The following WAPL variants were observed in gnomAD, a reference collection of about 807,000 sequenced individuals.
WAPL encodes wings apart-like protein homolog.
In WAPL, 5 loss-of-function variants were observed where a neutral mutation model predicts 121.0. The observed-to-expected ratio is 0.04, with a 90% CI of 0.02 to 0.09. WAPL has a LOEUF of 0.09. Ranked by LOEUF, WAPL falls within the 10% of genes least tolerant of loss-of-function variation. The pLI, the probability that WAPL is intolerant of heterozygous loss-of-function variation, is 1.00. For synonymous variants in WAPL, 480 were observed against 481.5 expected (o/e 1.00, Z 0.04); for missense variants, 999 against 1,410.8 (o/e 0.71, Z 4.68).
chr10:86,459,483 G>A (rs1266764313), intron 11 of WAPL, among the ~76,000 whole-genome samples: 4 of 152,180 alleles, frequency 2.6e-5, no homozygotes, highest in Non-Finnish European at 5.9e-5. Context: ...TTTAATCTAT[G>A]CCAGGAGCTT....
intron 2 of WAPL, among the ~76,000 whole-genome samples, chr10:86,513,777 T>G (rs529479106): frequency 1.3e-5 from 2 of 152,272 alleles, no homozygotes; most frequent in East Asian, 3.9e-4. Flanking sequence ...CCCTTTTCAC[T>G]GAGGTGATAT....
At chr10:86,497,628 A>G (rs764395992) in intron 3 of WAPL, among the ~76,000 whole-genome samples, 3 of 152,224 alleles carry the variant, frequency 2.0e-5, no homozygotes, top group African/African-American at 7.2e-5. Context: ...GAGAGGTCAC[A>G]TAACTGCTGG....
chr10:86,493,251 G>A (rs897226142), intron 4 of WAPL, among the ~76,000 whole-genome samples: 4 of 152,076 alleles, frequency 2.6e-5, no homozygotes, highest in African/African-American at 9.7e-5. Flanking sequence ...TGACTTAAGT[G>A]TTATATAACC....
In WAPL at chr10:86,471,025, G is replaced by T; in HGVS notation, c.2109C>A (p.Val703=). ...GCTGGGAATCATCCAAGGTTTTAAA[G>T]ACCATTGCTACCATCCCATGTGCTC... ...HLRAHGMVAM[V]FKTLDDSQHH... The change falls in exon 8 of 19, where the codon GTC becomes GTA. Residue 703 remains valine (V), a synonymous_variant. Coordinates refer to ENST00000298767, the MANE Select transcript of WAPL (RefSeq NM_015045.5). The T allele has an allele frequency of 6.2e-7, 1 of 1,613,850 alleles. No homozygotes were observed.
intron 4 of WAPL, among the ~76,000 whole-genome samples, chr10:86,489,989 C>T (rs763094328): frequency 1.2e-4 from 18 of 151,358 alleles, no homozygotes; most frequent in Admixed American, 2.0e-4. Context: ...CCAAGGTGGG[C>T]GGATCGCTTG....
chr10:86,517,657 T>G lies in WAPL; in HGVS notation c.413A>C (p.Asp138Ala). The G allele has an allele frequency of 6.2e-7, 1 of 1,614,130 alleles. No individual in the cohort carries two copies. Among genetic ancestry groups the G allele is most frequent in the Non-Finnish European group, 8.5e-7 (1 of 1,180,010 alleles). Reference sequence around the variant, plus strand: ...GCTCTTTTCTTTCCCAAGTAAAGTGTCCTCCAAAGGGAAGCATTTATCAGA... The same window carrying G: ...GCTCTTTTCTTTCCCAAGTAAAGTGGCCTCCAAAGGGAAGCATTTATCAGA... ...VVSDKCFPLE[D>A]TLLGKEKSTN... The change falls in exon 2 of 19, where the codon GAC (aspartate) becomes GCC (alanine). Residue 138 changes from aspartate to alanine, a missense_variant. Asp to Ala is a moderately radical substitution (Grantham distance 126). Coordinates refer to ENST00000298767, the MANE Select transcript of WAPL (RefSeq NM_015045.5).
At chr10:86,467,097 A>T in intron 9 of WAPL, 182 bp downstream of exon 9, 2 of 588,906 alleles carry the variant, frequency 3.4e-6, no homozygotes, top group Non-Finnish European at 6.0e-6. Flanking sequence ...ATACAGATAA[A>T]CTAGTTTAGG....
chr10:86,464,188 TTAAAAC>T lies in WAPL; in HGVS notation c.2371-2907_2371-2902del, dbSNP rs1397758061. ...CAACACAGTAAATCTACTGTACAAT[TTAAAAC>T]AAAAATATTCAAGGACAGCTAACAT... is the stretch of plus-strand genomic sequence containing the variant. On this transcript the variant is annotated intron_variant, in intron 9 of 18. Transcript: ENST00000298767. 6.6e-5 allele frequency among the ~76,000 whole-genome samples: 10 copies of T among 152,290 alleles called. No homozygotes were observed. The South Asian group carries it at 1.9e-3, about 28-fold the overall frequency.
chr10:86,451,939 T>G (rs761490532), intron 15 of WAPL, 28 bp downstream of exon 15: 19 of 1,607,202 alleles, frequency 1.2e-5, no homozygotes, highest in African/African-American at 2.7e-5. Context: ...ACTGCAGTTA[T>G]GAGTTTGTTT....
At chr10:86,457,364 T>C (rs1042420086) in intron 12 of WAPL, among the ~76,000 whole-genome samples, 1 of 132,912 alleles carries the variant, frequency 7.5e-6, no homozygotes, top group African/African-American at 2.9e-5. Flanking sequence ...TAAATATATA[T>C]AAAATAGGCC....
At chr10:86,473,629 A>G (rs1283854883) in intron 5 of WAPL, among the ~76,000 whole-genome samples, 1 of 152,214 alleles carries the variant, frequency 6.6e-6, no homozygotes, top group Non-Finnish European at 1.5e-5. Flanking sequence ...AATGTGGGTC[A>G]TGAGTAACAA....
chr10:86,484,864 T>A (rs901945530), intron 4 of WAPL, among the ~76,000 whole-genome samples: 1 of 152,236 alleles, frequency 6.6e-6, no homozygotes, highest in African/African-American at 2.4e-5. Context: ...CCCATCTAGC[T>A]TTGTGTTCTG....
intron 2 of WAPL, among the ~76,000 whole-genome samples, chr10:86,508,391 A>G (rs1842391299): frequency 6.6e-6 from 1 of 152,146 alleles, no homozygotes; most frequent in African/African-American, 2.4e-5. Context: ...CCCTTCTTCC[A>G]AAACGGTTCT....
At chr10:86,461,102 TGAAGTACG>T in intron 10 of WAPL, 66 bp downstream of exon 10, 1 of 1,102,310 alleles carries the variant, frequency 9.1e-7, no homozygotes, top group Admixed American at 2.1e-5. Context: ...AATTATTTTT[TGAAGTACG>T]TCAATGGAGT....
intron 1 of WAPL, among the ~76,000 whole-genome samples, chr10:86,520,049 A>C (rs960323770): frequency 2.6e-5 from 4 of 152,230 alleles, no homozygotes; most frequent in African/African-American, 4.8e-5. Context: ...TAATTCCAGC[A>C]CTCTGGGAAG....
intron 12 of WAPL, among the ~76,000 whole-genome samples, chr10:86,457,483 T>C (rs1418830224): frequency 6.6e-6 from 1 of 151,842 alleles, no homozygotes; most frequent in African/African-American, 2.4e-5. Flanking sequence ...TGAAACCCCG[T>C]CTCTGCTAAA....
intron 4 of WAPL, among the ~76,000 whole-genome samples, chr10:86,487,895 A>AAAAC (rs1262048362): frequency 2.0e-5 from 3 of 152,122 alleles, no homozygotes; most frequent in Admixed American, 6.5e-5. Flanking sequence ...ACTCTGTCTC[A>AAAAC]AAACAAACAA....
intron 15 of WAPL, 107 bp downstream of exon 15, chr10:86,451,860 C>T: frequency 8.0e-7 from 1 of 1,254,440 alleles, no homozygotes. Context: ...CAGAGAGGGC[C>T]AGCAGTGGAT....
At chr10:86,446,559 G>T in intron 15 of WAPL, 110 bp from the exon 16 acceptor site, 1 of 1,203,846 alleles carries the variant, frequency 8.3e-7, no homozygotes, top group Non-Finnish European at 1.1e-6. Context: ...CTCTAAGATG[G>T]TTATGTGATA....
Sources: gnomAD v4.1 joint callset for allele counts (sites outside exome capture counted in the v4.1 genomes callset) on GRCh38, gnomAD v4.1.1 for gene constraint, MANE v1.5 for transcripts, NCBI Gene and HGNC (gene_info 2026-07-23, HGNC 2026-07-21) for gene names.